APC: variants seen among roughly 807,000 people sequenced by gnomAD.
The protein encoded by APC is adenomatous polyposis coli protein.
Under a neutral mutation model 247.0 loss-of-function variants are expected in APC, and 72 were observed. The ratio of observed to expected loss-of-function variants is 0.29; its 90% confidence interval spans 0.24 to 0.35. The LOEUF (loss-of-function observed/expected upper bound fraction) is 0.35, where lower values mean the gene tolerates loss of function less well. Among genes scored for constraint, APC ranks in the 10% least tolerant of loss-of-function variants. The probability of loss-of-function intolerance (pLI) is 1.00; values close to 1 mark genes in which losing one functional copy is unlikely to be tolerated. For missense variants in APC, 3,400 were observed against 3,360.7 expected (o/e 1.01, Z -0.29); for synonymous variants, 1,254 against 1,162.5 (o/e 1.08, Z -1.60).
chr5:112,742,374 T>G (rs1009053085), intron 1 of APC, among the ~76,000 whole-genome samples: 6 of 152,214 alleles, frequency 3.9e-5, no homozygotes, highest in African/African-American at 1.2e-4. Flanking sequence ...TTTATGTATT[T>G]CTGTATAACA....
intron 8 of APC, 52 bp downstream of exon 8, chr5:112,801,435 G>A: frequency 1.5e-6 from 2 of 1,308,698 alleles, no homozygotes; most frequent in African/African-American, 2.9e-5. Flanking sequence ...TATCAGAAAA[G>A]TATGAAGCAA....
At chr5:112,764,782 T>C (rs1358196596) in intron 2 of APC, among the ~76,000 whole-genome samples, 2 of 152,050 alleles carry the variant, frequency 1.3e-5, no homozygotes, top group African/African-American at 4.8e-5. Context: ...ACAGTAGCAA[T>C]GGATGGAAAG....
chr5:112,713,813 A>C (rs1751002642), intron 1 of APC, among the ~76,000 whole-genome samples: 1 of 152,028 alleles, frequency 6.6e-6, no homozygotes, highest in Admixed American at 6.5e-5. Context: ...GCCTGCCACC[A>C]CACCCAGCTA....
chr5:112,734,791 GTGTT>G (rs1561414825), upstream of APC, among the ~76,000 whole-genome samples: 2 of 114,306 alleles, frequency 1.7e-5, no homozygotes, highest in African/African-American at 2.7e-5. Context: ...GTGTGTGTGT[GTGTT>G]TTTTTTTTTT....
chr5:112,718,145 A>G (rs1250142214), intron 1 of APC, among the ~76,000 whole-genome samples: 1 of 151,648 alleles, frequency 6.6e-6, no homozygotes, highest in African/African-American at 2.4e-5. Flanking sequence ...AAAAATATTT[A>G]AGTGTGGCCT....
intron 2 of APC, among the ~76,000 whole-genome samples, chr5:112,758,760 C>T (rs1282468376): frequency 6.6e-6 from 1 of 152,050 alleles, no homozygotes; most frequent in East Asian, 1.9e-4. Flanking sequence ...CCTACCGCCA[C>T]GCCCGGCTAA....
intron 1 of APC, among the ~76,000 whole-genome samples, chr5:112,751,860 TGCTGTTG>T (rs1164872775): frequency 1.3e-5 from 2 of 152,080 alleles, no homozygotes; most frequent in Non-Finnish European, 2.9e-5. Flanking sequence ...ACATTAAGTA[TGCTGTTG>T]GCCTTGGGGT....
At chr5:112,821,735 T>C in intron 10 of APC, among the ~76,000 whole-genome samples, 161 bp from the exon 11 acceptor site, 1 of 152,212 alleles carries the variant, frequency 6.6e-6, no homozygotes, top group Admixed American at 6.5e-5. Context: ...TTGTTCCACA[T>C]TTGTAGTATT....
At chr5:112,727,356 A>G (rs778234119) in intron 1 of APC, among the ~76,000 whole-genome samples, 6 of 152,196 alleles carry the variant, frequency 3.9e-5, no homozygotes, top group Non-Finnish European at 7.4e-5. Flanking sequence ...AGGCAATGCC[A>G]TCTGCAGTTA....
chr5:112,730,520 A>G (rs1204358338), intron 1 of APC, among the ~76,000 whole-genome samples: 2 of 152,330 alleles, frequency 1.3e-5, no homozygotes, highest in African/African-American at 2.4e-5. Flanking sequence ...CTTTATCTCT[A>G]TAGAAGTTTT....
intron 2 of APC, among the ~76,000 whole-genome samples, chr5:112,759,356 CTTTTTTTTTTT>C (rs887438895): frequency 3.3e-5 from 4 of 122,358 alleles, no homozygotes; most frequent in Non-Finnish European, 6.8e-5. Flanking sequence ...TTCTTTCTTT[CTTTTTTTTTTT>C]TTTTTTTTTG....
At chr5:112,789,389 T>A (rs1174532385) in intron 6 of APC, among the ~76,000 whole-genome samples, 1 of 152,164 alleles carries the variant, frequency 6.6e-6, no homozygotes, top group African/African-American at 2.4e-5. Flanking sequence ...TTAGGAATAC[T>A]CAAGGTGTAG....
chr5:112,738,511 G>A (rs888244522), intron 1 of APC: 4 of 984,388 alleles, frequency 4.1e-6, no homozygotes, highest in South Asian at 4.7e-5. Context: ...CTGGTCACCA[G>A]TAGTGTGCCT....
intron 6 of APC, among the ~76,000 whole-genome samples, chr5:112,788,739 TA>T (rs1759256631): frequency 6.6e-6 from 1 of 152,224 alleles, no homozygotes; most frequent in Non-Finnish European, 1.5e-5. Flanking sequence ...GTTGCTATTA[TA>T]AGTGAGAATT....
rs1001237060 is a variant in APC, at chr5:112,813,773, G to GA, written c.835-1713dup. Among the ~76,000 whole-genome samples, 78 of 146,008 alleles carry GA rather than the reference G, an allele frequency of 5.3e-4. 1 individual carries two copies. Among genetic ancestry groups the GA allele is most frequent in the South Asian group, 8.6e-4 (4 of 4,668 alleles). ...TCTCTAAAAAAAAAAAAAGAAAAAA[G>GA]AAAAAAAAATCACCAAAAGTGAAAT... is the stretch of plus-strand genomic sequence containing the variant. On this transcript the variant is annotated intron_variant, in intron 8 of 15. Transcript: ENST00000257430.
At chr5:112,753,564 A>T (rs553746252) in intron 1 of APC, among the ~76,000 whole-genome samples, 2 of 152,206 alleles carry the variant, frequency 1.3e-5, no homozygotes, top group African/African-American at 4.8e-5. Flanking sequence ...ACAAGACTCA[A>T]TTTTTTTCAA....
At chr5:112,806,827 A>C (rs1401866098) in intron 8 of APC, among the ~76,000 whole-genome samples, 1 of 152,098 alleles carries the variant, frequency 6.6e-6, no homozygotes, top group African/African-American at 2.4e-5. Context: ...ATCCTCCAGC[A>C]TTGGCCTCCC....
chr5:112,738,837 T>A (rs559652265), intron 1 of APC, among the ~76,000 whole-genome samples: 1 of 152,266 alleles, frequency 6.6e-6, no homozygotes. Context: ...TTGGACACTT[T>A]GATTCTACAT....
At chr5:112,753,103 T>C (rs1754561197) in intron 1 of APC, among the ~76,000 whole-genome samples, 1 of 152,168 alleles carries the variant, frequency 6.6e-6, no homozygotes. Flanking sequence ...GTTAATTTTA[T>C]TTGAAATGAG....
Sources: allele counts gnomAD v4.1 joint callset (sites outside exome capture counted in the v4.1 genomes callset), GRCh38; gene constraint gnomAD v4.1.1; transcripts MANE v1.5; gene names NCBI Gene and HGNC (gene_info 2026-07-23, HGNC 2026-07-21).